MBP: variants seen among roughly 807,000 people sequenced by gnomAD.
MBP encodes the protein myelin basic protein.
Under a neutral mutation model 35.8 loss-of-function variants are expected in MBP, and 16 were observed. The observed-to-expected ratio is 0.45, with a 90% CI of 0.30 to 0.68. MBP has a LOEUF of 0.68. Ranked by LOEUF, MBP falls within the 30% of genes least tolerant of loss-of-function variation. MBP has a pLI of 0.08. For synonymous variants in MBP, 143 were observed against 159.6 expected (o/e 0.90, Z 0.78); for missense variants, 380 against 404.7 (o/e 0.94, Z 0.52).
chr18:77,132,917 C>A (rs980453497), upstream of MBP: 2 of 152,032 alleles, frequency 1.3e-5, no homozygotes, highest in Non-Finnish European at 2.9e-5. Context: ...CGGCGCCGCC[C>A]CGGGAGCTCG....
In MBP at chr18:77,070,802, G is replaced by A. The variant is rs929222327; in HGVS notation, c.52-4417C>T. On this transcript the variant is annotated intron_variant, in intron 2 of 8. Transcript: ENST00000355994. ...CAATTCAGTTTTCTTCATCAGAACC[G>A]AGTGGAGAAGCAAAGGATGGCATGG... 5.9e-5 allele frequency among the ~76,000 whole-genome samples: 9 copies of A among 152,280 alleles called. No individual in the cohort carries two copies. In the South Asian group the frequency reaches 1.2e-3, roughly 21 times the overall value.
chr18:77,052,931 C>T (rs1973560804), intron 3 of MBP, among the ~76,000 whole-genome samples: 1 of 152,238 alleles, frequency 6.6e-6, no homozygotes, highest in Admixed American at 6.5e-5. Flanking sequence ...TAACCTACTC[C>T]CTCCTGTGGA....
chr18:77,060,738 A>G (rs577285927), intron 3 of MBP, among the ~76,000 whole-genome samples: 1 of 152,166 alleles, frequency 6.6e-6, no homozygotes, highest in Non-Finnish European at 1.5e-5. Context: ...GGCATGAGCC[A>G]TCATACCCGG....
chr18:76,991,441 C>A (rs1428180431), intron 4 of MBP, among the ~76,000 whole-genome samples: 1 of 152,218 alleles, frequency 6.6e-6, no homozygotes, highest in African/African-American at 2.4e-5. Flanking sequence ...ATAGGCGACG[C>A]AGGGGATGCT....
At chr18:76,981,418 C>T (rs1295069399) in intron 8 of MBP, 2 of 152,218 alleles carry the variant, frequency 1.3e-5, no homozygotes, top group Admixed American at 6.5e-5. Flanking sequence ...CCACACTGCC[C>T]AGTAACACAA....
chr18:77,063,265 G>T (rs999339267), intron 3 of MBP, among the ~76,000 whole-genome samples: 3 of 152,308 alleles, frequency 2.0e-5, no homozygotes, highest in Non-Finnish European at 4.4e-5. Context: ...CCCCAGGAAA[G>T]GGTCAGGCAT....
At chr18:77,122,387 G>A (rs1270461010) in intron 1 of MBP, among the ~76,000 whole-genome samples, 1 of 152,150 alleles carries the variant, frequency 6.6e-6, no homozygotes, top group Non-Finnish European at 1.5e-5. Flanking sequence ...GATGAGCTGG[G>A]AATCCCAGCT....
chr18:77,028,642 C>G (rs1305462065), intron 3 of MBP, among the ~76,000 whole-genome samples: 2 of 78,468 alleles, frequency 2.5e-5, no homozygotes, highest in African/African-American at 7.1e-5. Flanking sequence ...CACCTCCCTC[C>G]CGGACGGGGC....
At chr18:76,992,334 C>T (rs956413130) in intron 4 of MBP, among the ~76,000 whole-genome samples, 1 of 152,212 alleles carries the variant, frequency 6.6e-6, no homozygotes, top group African/African-American at 2.4e-5. Context: ...AGGGTTTGCT[C>T]TCCTATAGGA....
In MBP at chr18:77,016,932, C is replaced by A; in HGVS notation, c.476G>T (p.Arg159Met). 6.2e-7 allele frequency: 1 copy of A among 1,614,254 alleles called. No individual in the cohort carries two copies. The highest frequency in any genetic ancestry group is 8.5e-7 in the Non-Finnish European group (1 of 1,180,048). The stretch of plus-strand genomic sequence containing the variant: ...TCTGTGCCTTGGGAGGAAGCCATGC[C>A]TGGCATGGTCCATGGTACTTGCTGT... Reference protein sequence around the residue: ...LATASTMDHARHGFLPRHRDT... With the variant: ...LATASTMDHAMHGFLPRHRDT... The change falls in exon 4 of 9, where the codon AGG becomes ATG. Residue 159 changes from arginine (R) to methionine (M), a missense_variant. Physicochemically the swap from Arg to Met is moderately conservative, Grantham distance 91. Coordinates refer to ENST00000355994, the MANE Select transcript of MBP (RefSeq NM_001025101.2).
chr18:77,039,290 C>A (rs923548039), intron 3 of MBP, among the ~76,000 whole-genome samples: 3 of 152,096 alleles, frequency 2.0e-5, no homozygotes, highest in Non-Finnish European at 4.4e-5. Flanking sequence ...TAAGAACAGG[C>A]AGGGGTGACT....
chr18:77,109,303 C>T (rs1976375360), intron 1 of MBP: 1 of 152,266 alleles, frequency 6.6e-6, no homozygotes, highest in South Asian at 2.1e-4. Flanking sequence ...TTACATCCTA[C>T]AATTGCCTGT....
rs376845415 is a variant in MBP, at chr18:77,050,442, G to C, written c.139+15856C>G. On this transcript the variant is annotated intron_variant, in intron 3 of 8. Transcript: ENST00000355994. Reference sequence around the variant, plus strand: ...TTTTTCCTATACAAACTTTGCTGAAGCCTGTAGCTTGCCACAGTATTAGCT... The same window carrying C: ...TTTTTCCTATACAAACTTTGCTGAACCCTGTAGCTTGCCACAGTATTAGCT... Among the ~76,000 whole-genome samples, 20 of 148,764 alleles carry C rather than the reference G, an allele frequency of 1.3e-4. 1 individual carries two copies. In the South Asian group the frequency reaches 4.2e-3, roughly 31 times the overall value.
chr18:77,114,755 G>A (rs1976598769), intron 1 of MBP: 1 of 152,322 alleles, frequency 6.6e-6, no homozygotes, highest in African/African-American at 2.4e-5. Context: ...TCGCAGTCAT[G>A]TGGGGCTTAG....
In MBP at chr18:76,979,863, T is replaced by C; in HGVS notation, c.*564A>G. The C allele has an allele frequency of 1.5e-6, 1 of 678,066 alleles. No homozygotes were observed. The highest frequency in any genetic ancestry group is 2.7e-6 in the Non-Finnish European group (1 of 374,004). The allele number at this position is 678,066 out of a possible 1,614,324, so 42.0% of individuals were successfully genotyped here. A position where few individuals can be genotyped will look rare whatever the true frequency, so the allele number is the denominator to read the frequency against. On this transcript the variant is annotated 3_prime_UTR_variant, in exon 9 of 9. Transcript: ENST00000355994. ...CTCTAACAGCTGCCCAGCCCGCATG[T>C]CACATACCAAAAGCTCCCACATGTA...
At chr18:77,055,189 C>T (rs369010778) in intron 3 of MBP, among the ~76,000 whole-genome samples, 4 of 152,286 alleles carry the variant, frequency 2.6e-5, no homozygotes, top group South Asian at 4.1e-4. Context: ...AAACAGCAGG[C>T]GGCTTTGCTG....
intron 2 of MBP, among the ~76,000 whole-genome samples, chr18:77,080,839 C>T (rs534701630): frequency 2.2e-4 from 33 of 152,158 alleles, no homozygotes; most frequent in African/African-American, 7.2e-4. Context: ...CTCGCCACCA[C>T]GCCCAGCTAA....
At chr18:77,065,863 T>C (rs1485625048) in intron 3 of MBP, 1 of 158,832 alleles carries the variant, frequency 6.3e-6, no homozygotes, top group African/African-American at 2.4e-5. Flanking sequence ...ACAGCCGACA[T>C]TTTAATTTTT....
At chr18:76,998,904 G>A (rs1180561707) in intron 4 of MBP, among the ~76,000 whole-genome samples, 5 of 151,986 alleles carry the variant, frequency 3.3e-5, no homozygotes, top group African/African-American at 1.2e-4. Flanking sequence ...CCTACTCCAC[G>A]GCTTCCAGTG....
Sources: allele counts gnomAD v4.1 joint callset (sites outside exome capture counted in the v4.1 genomes callset), GRCh38; gene constraint gnomAD v4.1.1; transcripts MANE v1.5; gene names NCBI Gene and HGNC (gene_info 2026-07-23, HGNC 2026-07-21).